The following BICC1 variants were observed in gnomAD, a reference collection of about 807,000 sequenced individuals.
The protein encoded by BICC1 is protein bicaudal C homolog 1.
Under a neutral mutation model 111.0 loss-of-function variants are expected in BICC1, and 43 were observed. That is an observed-to-expected ratio of 0.39 (90% confidence interval 0.30 to 0.50). The LOEUF is 0.50. Ranked by LOEUF, BICC1 falls within the 20% of genes least tolerant of loss-of-function variation. The pLI is 0.88. For synonymous variants in BICC1, 467 were observed against 434.4 expected, an observed-to-expected ratio of 1.07 and a Z score of -0.93; for missense variants, 1,091 against 1,203.2, an observed-to-expected ratio of 0.91 and a Z score of 1.38.
At chr10:58,740,758 A>G (rs771180659) in intron 3 of BICC1, among the ~76,000 whole-genome samples, 3 of 152,186 alleles carry the variant, frequency 2.0e-5, no homozygotes, top group Non-Finnish European at 2.9e-5. Context: ...AAGACCTCCT[A>G]GAAGAAGTGA....
intron 2 of BICC1, among the ~76,000 whole-genome samples, chr10:58,670,093 A>G (rs760491949): frequency 2.6e-5 from 4 of 152,178 alleles, no homozygotes; most frequent in African/African-American, 4.8e-5. Flanking sequence ...ATAATTTTGC[A>G]TGGAATACCA....
chr10:58,662,185 C>A (rs4948309), intron 2 of BICC1, among the ~76,000 whole-genome samples: 149,031 of 152,244 alleles, frequency 0.98, 73,046 homozygotes, highest in Middle Eastern at 1. Context: ...CCCTCCAGGC[C>A]AAAATACAAA....
intron 1 of BICC1, among the ~76,000 whole-genome samples, chr10:58,603,993 A>C (rs2132081498): frequency 6.6e-6 from 1 of 152,238 alleles, no homozygotes; most frequent in East Asian, 1.9e-4. Flanking sequence ...TCAGATCTAT[A>C]TTTCTGTTAT....
At chr10:58,550,707 T>C (rs2131912985) in intron 1 of BICC1, among the ~76,000 whole-genome samples, 1 of 152,332 alleles carries the variant, frequency 6.6e-6, no homozygotes, top group African/African-American at 2.4e-5. Context: ...GCTTTTTTCA[T>C]TGAATCGCCT....
chr10:58,763,687 C>G (rs941954666), intron 3 of BICC1, among the ~76,000 whole-genome samples: 1 of 152,052 alleles, frequency 6.6e-6, no homozygotes, highest in East Asian at 1.9e-4. Context: ...CTGTGGAGAT[C>G]CCCATTGCAC....
At chr10:58,749,890 T>C (rs913145394) in intron 3 of BICC1, among the ~76,000 whole-genome samples, 3 of 152,154 alleles carry the variant, frequency 2.0e-5, no homozygotes, top group African/African-American at 7.2e-5. Flanking sequence ...ACCAGCTGAA[T>C]TCTAACATCA....
At chr10:58,708,011 T>TTTTTTTTGTATTTTTAGTAGAGACAGGG (rs1840445896) in intron 3 of BICC1, among the ~76,000 whole-genome samples, 1 of 141,246 alleles carries the variant, frequency 7.1e-6, no homozygotes, top group Non-Finnish European at 1.5e-5. Context: ...AATTTTTTTT[T>TTTTTTTTGTATTTTTAGTAGAGACAGGG]TTTTGTATTT....
chr10:58,547,404 C>A (rs1843169353), intron 1 of BICC1, among the ~76,000 whole-genome samples: 2 of 152,054 alleles, frequency 1.3e-5, no homozygotes, highest in African/African-American at 4.8e-5. Context: ...GGGAGGAAGT[C>A]TAAAGAGGTA....
intron 1 of BICC1, among the ~76,000 whole-genome samples, chr10:58,594,421 T>C (rs1277925150): frequency 1.3e-5 from 2 of 152,014 alleles, no homozygotes; most frequent in Non-Finnish European, 2.9e-5. Context: ...AGACACATAA[T>C]TTTGAGATTC....
At chr10:58,522,606 A>G (rs998598040) in intron 1 of BICC1, among the ~76,000 whole-genome samples, 1 of 152,222 alleles carries the variant, frequency 6.6e-6, no homozygotes, top group Non-Finnish European at 1.5e-5. Context: ...GAAAGCAGGA[A>G]AGATCTAAAA....
intron 3 of BICC1, among the ~76,000 whole-genome samples, chr10:58,722,632 C>T (rs550121610): frequency 3.9e-5 from 6 of 152,100 alleles, no homozygotes; most frequent in Non-Finnish European, 8.8e-5. Context: ...CGTTAGTTAT[C>T]TCTGAGAGAG....
chr10:58,707,414 G>C (rs1840417428), intron 3 of BICC1, among the ~76,000 whole-genome samples: 1 of 152,258 alleles, frequency 6.6e-6, no homozygotes, highest in East Asian at 1.9e-4. Flanking sequence ...GTTGCTAATG[G>C]TGGGTTGCAA....
At chr10:58,753,898 C>G (rs1589104028) in intron 3 of BICC1, among the ~76,000 whole-genome samples, 1 of 152,190 alleles carries the variant, frequency 6.6e-6, no homozygotes, top group African/African-American at 2.4e-5. Context: ...TCTTCCCCCC[C>G]TTTACTTTTC....
intron 3 of BICC1, among the ~76,000 whole-genome samples, chr10:58,748,578 G>C (rs1030070054): frequency 2.2e-5 from 2 of 91,746 alleles, no homozygotes; most frequent in African/African-American, 5.9e-5. Context: ...TTATAAACCT[G>C]TTCTGGTATA....
In BICC1 at chr10:58,829,843, A is replaced by G. The variant is rs895297102; in HGVS notation, c.*952A>G. 1.3e-5 allele frequency: 2 copies of G among 152,232 alleles called. No individual in the cohort carries two copies. The highest frequency in any genetic ancestry group is 1.5e-5 in the Non-Finnish European group (1 of 68,038). The allele number at this position is 152,232 out of a possible 1,614,324, so 9.4% of individuals were successfully genotyped here. ...TTTAGATATTATAAGCATACAGTAC[A>G]TAATTGATGAAATTGATATTTACTA... is the stretch of plus-strand genomic sequence containing the variant. On this transcript the variant is annotated 3_prime_UTR_variant, in exon 21 of 21. Transcript: ENST00000373886.
rs1842137739 is a variant in BICC1, at chr10:58,513,064, T to C, written c.-80T>C. The C allele has an allele frequency of 1.7e-6, 2 of 1,167,516 alleles. No individual in the cohort carries two copies. Among genetic ancestry groups the C allele is most frequent in the African/African-American group, 1.6e-5 (1 of 61,470 alleles). 72.3% of individuals were successfully genotyped at this position (1,167,516 alleles called of 1,614,324 possible). On this transcript the variant is annotated 5_prime_UTR_variant, in exon 1 of 21. Transcript: ENST00000373886. ...CTAGCGCCGCGGCGCTGGGAGCCAG[T>C]TGAGCCCGGCCGGCGAGCGGAGGCG...
intron 3 of BICC1, among the ~76,000 whole-genome samples, chr10:58,754,762 G>A (rs1021223391): frequency 6.7e-6 from 1 of 148,642 alleles, no homozygotes; most frequent in Non-Finnish European, 1.5e-5. Context: ...GGGTGTGTAT[G>A]TGTGTGTGTG....
chr10:58,624,775 G>A (rs1232070485), intron 2 of BICC1, among the ~76,000 whole-genome samples: 2 of 151,962 alleles, frequency 1.3e-5, no homozygotes, highest in Non-Finnish European at 2.9e-5. Context: ...TGTGTTTTTA[G>A]TAGAGATGGG....
At chr10:58,810,720 A>G (rs1843875025) in intron 17 of BICC1, among the ~76,000 whole-genome samples, 1 of 152,158 alleles carries the variant, frequency 6.6e-6, no homozygotes, top group South Asian at 2.1e-4. Flanking sequence ...GTAGAGAGGG[A>G]GATTTTTATT....
Sources: allele counts gnomAD v4.1 joint callset (sites outside exome capture counted in the v4.1 genomes callset), GRCh38; gene constraint gnomAD v4.1.1; transcripts MANE v1.5; gene names NCBI Gene and HGNC (gene_info 2026-07-23, HGNC 2026-07-21).